Variants in ASXL1 observed in about 807,000 individuals in gnomAD.
The protein encoded by ASXL1 is polycomb group protein ASXL1.
Under a neutral mutation model 89.1 loss-of-function variants are expected in ASXL1, and 65 were observed. That is an observed-to-expected ratio of 0.73 (90% CI 0.60 to 0.90). The LOEUF is 0.90. Among genes scored for constraint, ASXL1 ranks in the 40% least tolerant of loss-of-function variants. The pLI is 0.00. For synonymous variants in ASXL1, 739 were observed against 746.9 expected (o/e 0.99, Z 0.17); for missense variants, 1,786 against 1,942.9 (o/e 0.92, Z 1.52).
Position 32,385,815 on chromosome 20 carries a change from G to A in ASXL1, c.252+16692G>A, listed in dbSNP as rs115076252. Reference sequence around the variant, plus strand: ...CATAATTTGATTATAACAGATCTATGTTTGATACTTATCCATGGTTTCCCA... The same window carrying A: ...CATAATTTGATTATAACAGATCTATATTTGATACTTATCCATGGTTTCCCA... On this transcript the variant is annotated intron_variant, in intron 4 of 12. Transcript: ENST00000375687. Among the ~76,000 whole-genome samples, 869 of 152,256 alleles carry A rather than the reference G, an allele frequency of 5.7e-3. 8 individuals carry two copies. Among genetic ancestry groups the A allele is most frequent in the African/African-American group, 0.02 (831 of 41,544 alleles).
chr20:32,391,785 A>G (rs6579014), intron 4 of ASXL1, among the ~76,000 whole-genome samples: 7,507 of 152,248 alleles, frequency 0.049, 587 homozygotes, highest in African/African-American at 0.17. Flanking sequence ...CACCAAGCCC[A>G]GCCAAGGTTT....
intron 4 of ASXL1, among the ~76,000 whole-genome samples, chr20:32,399,971 A>G (rs1202563380): frequency 2.0e-5 from 3 of 152,062 alleles, no homozygotes; most frequent in African/African-American, 7.2e-5. Context: ...CATGTTGGCC[A>G]GGCTGGTCTT....
At position 32,434,742 on chromosome 20, in the gene ASXL1, C is replaced by T. The variant is rs2145361205; in HGVS notation, c.2030C>T (p.Pro677Leu). The stretch of plus-strand genomic sequence containing the variant: ...GGTGAGGCCTGTGGCCACCCTGAGC[C>T]CAGGGGAGGCCCGAGCACCCCTGGA... ...DGGEACGHPE[P>L]RGGPSTPGKC... Residue 677 changes from proline (P) to leucine (L), a missense_variant, in exon 13 of 13, where the codon CCC becomes CTC. By Grantham distance (98) the Pro-to-Leu change is moderately conservative (BLOSUM62 -3). This residue lies in a region of ASXL1 where 1,418 missense variants were observed against 1,427.8 expected (regional missense o/e 0.99). Transcript: ENST00000375687. 6.2e-7 allele frequency: 1 copy of T among 1,613,010 alleles called. No individual in the cohort carries two copies. Among genetic ancestry groups the T allele is most frequent in the Non-Finnish European group, 8.5e-7 (1 of 1,179,794 alleles).
chr20:32,361,894 C>T (rs773127156), intron 1 of ASXL1, among the ~76,000 whole-genome samples: 7 of 151,636 alleles, frequency 4.6e-5, no homozygotes, highest in African/African-American at 1.5e-4. Flanking sequence ...GGTGAAACCC[C>T]GTCTCTACTA....
intron 4 of ASXL1, among the ~76,000 whole-genome samples, chr20:32,401,715 A>T (rs1192485742): frequency 6.6e-6 from 1 of 151,978 alleles, no homozygotes; most frequent in East Asian, 1.9e-4. Flanking sequence ...GTTACCACGC[A>T]GGCTAATTTT....
At chr20:32,372,076 G>A (rs2048308388) in intron 4 of ASXL1, 3 of 1,334,250 alleles carry the variant, frequency 2.2e-6, no homozygotes, top group Non-Finnish European at 3.0e-6. Flanking sequence ...TTTTATTTGT[G>A]TTTGTAATTT....
chr20:32,379,076 GTC>G (rs2048438467), intron 4 of ASXL1, among the ~76,000 whole-genome samples: 1 of 147,112 alleles, frequency 6.8e-6, no homozygotes, highest in South Asian at 2.1e-4. Flanking sequence ...GTGAGACTCT[GTC>G]TCTCACACAC....
At position 32,358,577 on chromosome 20, in the gene ASXL1, C is replaced by T. The variant is rs943197946; in HGVS notation, c.-199C>T. ...CAGCGCGGGCGCGTGGAGCCGCCGC[C>T]GCCCCTCCCCCACCGCCGCTCTCGC... On this transcript the variant is annotated 5_prime_UTR_variant, in exon 1 of 13. Coordinates refer to ENST00000375687, the MANE Select transcript of ASXL1 (RefSeq NM_015338.6). The T allele has an allele frequency of 4.0e-5, 8 of 199,050 alleles. No homozygotes were observed. The highest frequency in any genetic ancestry group is 7.2e-5 in the Non-Finnish European group (7 of 97,250). 12.3% of individuals were successfully genotyped at this position (199,050 alleles called of 1,614,324 possible).
At chr20:32,359,691 G>C (rs2048077121) in intron 1 of ASXL1, 1 of 717,922 alleles carries the variant, frequency 1.4e-6, no homozygotes, top group Non-Finnish European at 2.6e-6. Flanking sequence ...GTTGTTCACT[G>C]AGGATTTAGC....
Position 32,362,981 on chromosome 20 carries a change from A to G in ASXL1, c.58-3403A>G, listed in dbSNP as rs904684141. Among the ~76,000 whole-genome samples, 14 of 152,106 alleles carry G rather than the reference A, an allele frequency of 9.2e-5. 1 individual carries two copies. The highest frequency in any genetic ancestry group is 3.4e-4 in the African/African-American group (14 of 41,416). On this transcript the variant is annotated intron_variant, in intron 1 of 12. Coordinates refer to ENST00000375687, the MANE Select transcript of ASXL1 (RefSeq NM_015338.6). ...TATGCTTTATCTTTTACTTTGATTC[A>G]TGACTGACCAGTTCTTACATCAAAC...
chr20:32,407,623 C>T (rs1241540361), intron 4 of ASXL1, among the ~76,000 whole-genome samples: 1 of 152,066 alleles, frequency 6.6e-6, no homozygotes, highest in East Asian at 1.9e-4. Flanking sequence ...GCCACCACTC[C>T]TGGCCCATTA....
intron 4 of ASXL1, chr20:32,372,569 C>A: frequency 3.9e-6 from 1 of 255,630 alleles, no homozygotes; most frequent in East Asian, 8.6e-5. Context: ...TGAATAATGG[C>A]TACATTTTTG....
chr20:32,425,954 C>T (rs2011268985), intron 4 of ASXL1, among the ~76,000 whole-genome samples: 1 of 152,238 alleles, frequency 6.6e-6, no homozygotes, highest in Non-Finnish European at 1.5e-5. Context: ...ATCCATCCGC[C>T]TTGGCCTCCC....
At chr20:32,371,731 G>A (rs1304274193) in intron 4 of ASXL1, 3 of 437,930 alleles carry the variant, frequency 6.9e-6, no homozygotes, top group Non-Finnish European at 1.4e-5. Flanking sequence ...TCAGCCTCCC[G>A]AGTAGCGTAC....
intron 4 of ASXL1, among the ~76,000 whole-genome samples, chr20:32,405,193 A>T (rs2048935263): frequency 1.3e-5 from 2 of 152,024 alleles, no homozygotes; most frequent in African/African-American, 4.8e-5. Context: ...TGGTACTATC[A>T]TAGCTCACTC....
intron 4 of ASXL1, among the ~76,000 whole-genome samples, chr20:32,399,044 T>C (rs966421777): frequency 1.3e-5 from 2 of 151,922 alleles, no homozygotes; most frequent in Non-Finnish European, 2.9e-5. Flanking sequence ...ACCCCATCTT[T>C]ACTAAAAATA....
chr20:32,413,749 T>C (rs773109069), intron 4 of ASXL1, among the ~76,000 whole-genome samples: 6 of 152,234 alleles, frequency 3.9e-5, no homozygotes, highest in Non-Finnish European at 4.4e-5. Flanking sequence ...CCTCGGACTT[T>C]CCTTATATGT....
intron 4 of ASXL1, among the ~76,000 whole-genome samples, chr20:32,402,185 G>A (rs1569286271): frequency 6.6e-6 from 1 of 152,058 alleles, no homozygotes; most frequent in Admixed American, 6.6e-5. Context: ...CTATTCTTGG[G>A]CACACTACAG....
rs202155339 is a variant in ASXL1, at chr20:32,436,249, A to G, written c.3537A>G (p.Pro1179=). ...SLRALKEPLL[P]DSCETGTGLA... ...GGGCTTTGAAGGAGCCTCTTCTGCC[A>G]GATAGCTGTGAAACAGGCACTGGTC... Residue 1179 remains proline, a synonymous_variant, in exon 13 of 13, where the codon CCA becomes CCG. Transcript: ENST00000375687. 6.2e-7 allele frequency: 1 copy of G among 1,614,218 alleles called. No homozygotes were observed. The highest frequency in any genetic ancestry group is 1.1e-5 in the South Asian group (1 of 91,084).
Sources: allele counts gnomAD v4.1 joint callset (sites outside exome capture counted in the v4.1 genomes callset), GRCh38; gene constraint gnomAD v4.1.1; regional missense constraint gnomAD v4.1.1; transcripts MANE v1.5; gene names NCBI Gene and HGNC (gene_info 2026-07-23, HGNC 2026-07-21).